RASAL2: variants seen among roughly 807,000 people sequenced by gnomAD.
The protein encoded by RASAL2 is RAS protein activator like 2, also known as ras GTPase-activating protein nGAP.
In RASAL2, 58 loss-of-function variants were observed where a neutral mutation model predicts 128.9. That is an observed-to-expected ratio of 0.45 (90% CI 0.36 to 0.56). The LOEUF is 0.56. RASAL2 is among the 20% of genes least tolerant of loss of function. RASAL2 has a pLI of 0.00. For synonymous variants in RASAL2, 561 were observed against 580.8 expected (o/e 0.97, Z 0.49); for missense variants, 1,360 against 1,601.6 (o/e 0.85, Z 2.57).
intron 3 of RASAL2, among the ~76,000 whole-genome samples, chr1:178,306,336 T>C (rs1413116217): frequency 6.6e-6 from 1 of 152,160 alleles, no homozygotes; most frequent in Non-Finnish European, 1.5e-5. Flanking sequence ...TTTGCTATTG[T>C]GAATAGTGCC....
Position 178,094,432 on chromosome 1 carries a change from G to C in RASAL2, c.-61G>C. 2 of 1,443,374 alleles carry C rather than the reference G, an allele frequency of 1.4e-6. No individual in the cohort carries two copies. The highest frequency in any genetic ancestry group is 1.8e-6 in the Non-Finnish European group (2 of 1,089,542). The allele number at this position is 1,443,374 out of a possible 1,614,324, so 89.4% of individuals were successfully genotyped here. On this transcript the variant is annotated 5_prime_UTR_variant, in exon 1 of 18. Transcript: ENST00000367649. ...CCTCCCCTTACCGCAGGCAGGGCGC[G>C]GAGCCGCGCGCCAGCCCGCCCCGAA...
chr1:178,221,252 C>T (rs1663603220), intron 1 of RASAL2, among the ~76,000 whole-genome samples: 1 of 152,064 alleles, frequency 6.6e-6, no homozygotes, highest in Non-Finnish European at 1.5e-5. Context: ...GAGATTTTTG[C>T]CCATTTTTAA....
intron 1 of RASAL2, among the ~76,000 whole-genome samples, chr1:178,280,561 C>CTGCAG (rs1436899446): frequency 6.6e-6 from 1 of 151,912 alleles, no homozygotes; most frequent in Non-Finnish European, 1.5e-5. Flanking sequence ...TAAAGGAGTC[C>CTGCAG]TGCAGTCAAG....
chr1:178,213,105 G>A (rs1341493619), intron 1 of RASAL2, among the ~76,000 whole-genome samples: 5 of 151,412 alleles, frequency 3.3e-5, no homozygotes, highest in Admixed American at 6.6e-5. Context: ...GTGTGATCTC[G>A]GCTCACCACA....
chr1:178,234,997 G>T (rs2225586), intron 1 of RASAL2, among the ~76,000 whole-genome samples: 1 of 151,856 alleles, frequency 6.6e-6, no homozygotes, highest in African/African-American at 2.4e-5. Context: ...GTGAATTTTA[G>T]TGATACTCTT....
intron 4 of RASAL2, among the ~76,000 whole-genome samples, chr1:178,395,340 CTGTGAATA>C (rs1041727873): frequency 6.6e-6 from 1 of 151,986 alleles, no homozygotes; most frequent in African/African-American, 2.4e-5. Flanking sequence ...AGTGTGTTAC[CTGTGAATA>C]TGAGTGCTTT....
At chr1:178,201,465 G>A (rs1257563547) in intron 1 of RASAL2, among the ~76,000 whole-genome samples, 1 of 152,296 alleles carries the variant, frequency 6.6e-6, no homozygotes, top group South Asian at 2.1e-4. Context: ...TACCCTTAGC[G>A]AAATGGATTT....
intron 1 of RASAL2, among the ~76,000 whole-genome samples, chr1:178,225,202 G>A (rs1042300607): frequency 3.3e-5 from 5 of 151,708 alleles, no homozygotes; most frequent in African/African-American, 1.2e-4. Context: ...GTAGATTAGT[G>A]TTAAGGCTTT....
intron 4 of RASAL2, among the ~76,000 whole-genome samples, chr1:178,415,754 A>T (rs1674712041): frequency 6.6e-6 from 1 of 152,124 alleles, no homozygotes. Flanking sequence ...GTTATTAAGC[A>T]CATACACATT....
chr1:178,464,119 C>T (rs1316939425), intron 14 of RASAL2, among the ~76,000 whole-genome samples, 159 bp from the exon 15 acceptor site: 2 of 152,146 alleles, frequency 1.3e-5, no homozygotes, highest in Admixed American at 6.5e-5. Flanking sequence ...TCTCTTTCCC[C>T]ACCCCTAGCC....
Position 178,451,690 on chromosome 1 carries a change from T to C in RASAL2, c.1747T>C (p.Phe583Leu), listed in dbSNP as rs745710134. 2.5e-6 allele frequency: 4 copies of C among 1,613,678 alleles called. No homozygotes were observed. The highest frequency in any genetic ancestry group is 3.4e-6 in the Non-Finnish European group (4 of 1,179,712). Residue 583 changes from phenylalanine (F) to leucine (L), a missense_variant, in exon 10 of 18, where the codon TTC (phenylalanine) becomes CTC (leucine). Around this residue, in one of 3 missense-constraint regions of RASAL2, gnomAD observed 2 missense variants for 18.7 expected, o/e 0.11. Transcript: ENST00000367649. ...SNLKMCCELA[F>L]CKIINSYCVF... ...CCTGAAAATGTGCTGTGAGCTGGCTTTCTGCAAGATCATCAACTCTTACTG... is the reference window on the plus strand; with the variant it reads ...CCTGAAAATGTGCTGTGAGCTGGCTCTCTGCAAGATCATCAACTCTTACTG...
At chr1:178,229,896 C>A (rs1054410269) in intron 1 of RASAL2, among the ~76,000 whole-genome samples, 9 of 152,130 alleles carry the variant, frequency 5.9e-5, no homozygotes, top group Non-Finnish European at 1.3e-4. Context: ...TAATCCAGAT[C>A]CCTATCAAAG....
chr1:178,356,741 G>C (rs565385964), intron 3 of RASAL2, among the ~76,000 whole-genome samples: 1 of 152,266 alleles, frequency 6.6e-6, no homozygotes, highest in African/African-American at 2.4e-5. Flanking sequence ...TTGGGATCAG[G>C]ATGGAGTATT....
At chr1:178,164,943 A>G (rs1450908041) in intron 1 of RASAL2, among the ~76,000 whole-genome samples, 1 of 151,982 alleles carries the variant, frequency 6.6e-6, no homozygotes, top group African/African-American at 2.4e-5. Context: ...AAAACAATAA[A>G]AAGAAAACTT....
intron 1 of RASAL2, among the ~76,000 whole-genome samples, chr1:178,237,041 G>A (rs1002940779): frequency 6.6e-6 from 1 of 152,072 alleles, no homozygotes; most frequent in Non-Finnish European, 1.5e-5. Flanking sequence ...TGGAATTACA[G>A]GTGTGAGCCA....
chr1:178,281,112 C>CT (rs1239959908), intron 1 of RASAL2, among the ~76,000 whole-genome samples: 1 of 151,878 alleles, frequency 6.6e-6, no homozygotes, highest in African/African-American at 2.4e-5. Context: ...GAAACTATCA[C>CT]TTTTTTTCTT....
Position 178,477,370 on chromosome 1 carries a change from T to A in RASAL2, c.*4131T>A, listed in dbSNP as rs941271732. 1.3e-5 allele frequency: 2 copies of A among 152,244 alleles called. No homozygotes were observed. Among genetic ancestry groups the A allele is most frequent in the African/African-American group, 4.8e-5 (2 of 41,462 alleles). 9.4% of individuals were successfully genotyped at this position (152,244 alleles called of 1,614,324 possible). A position where few individuals can be genotyped will look rare whatever the true frequency, so the allele number is the denominator to read the frequency against. On this transcript the variant is annotated 3_prime_UTR_variant, in exon 18 of 18. Coordinates refer to ENST00000367649, the MANE Select transcript of RASAL2 (RefSeq NM_170692.4). Reference sequence around the variant, plus strand: ...TTGAATTTTTAAATAGAATCTCTTTTCATGTTTGAATGATTGTTATTAGTT... The same window carrying A: ...TTGAATTTTTAAATAGAATCTCTTTACATGTTTGAATGATTGTTATTAGTT...
chr1:178,441,448 C>T (rs866760980), intron 6 of RASAL2, 101 bp from the exon 7 acceptor site: 7 of 761,618 alleles, frequency 9.2e-6, no homozygotes, highest in Non-Finnish European at 1.5e-5. Context: ...CAGGACATTT[C>T]GACCTTATCA....
chr1:178,144,769 G>A (rs1168619012), intron 1 of RASAL2, among the ~76,000 whole-genome samples: 1 of 152,182 alleles, frequency 6.6e-6, no homozygotes, highest in Non-Finnish European at 1.5e-5. Context: ...GTTTTGATAA[G>A]AAATGTGCTT....
Sources: gnomAD v4.1 joint callset for allele counts (sites outside exome capture counted in the v4.1 genomes callset) on GRCh38, gnomAD v4.1.1 for gene constraint, gnomAD v4.1.1 regional missense constraint, MANE v1.5 for transcripts, NCBI Gene and HGNC (gene_info 2026-07-23, HGNC 2026-07-21) for gene names.